PPME1: variants seen among roughly 807,000 people sequenced by gnomAD.
PPME1 encodes protein phosphatase methylesterase 1.
Under a neutral mutation model 56.9 loss-of-function variants are expected in PPME1, and 17 were observed. The ratio of observed to expected loss-of-function variants is 0.30; its 90% confidence interval spans 0.20 to 0.45. The LOEUF (loss-of-function observed/expected upper bound fraction) is 0.45, where lower values mean the gene tolerates loss of function less well. Ranked by LOEUF, PPME1 falls within the 20% of genes least tolerant of loss-of-function variation. The pLI is 1.00. For synonymous variants in PPME1, 122 were observed against 156.2 expected (o/e 0.78, Z 1.63); for missense variants, 357 against 483.2 (o/e 0.74, Z 2.45).
At chr11:74,194,026 G>T (rs186532898) in intron 1 of PPME1, among the ~76,000 whole-genome samples, 113 of 151,988 alleles carry the variant, frequency 7.4e-4, no homozygotes, top group African/African-American at 2.6e-3. Flanking sequence ...TCTCTTGGGG[G>T]TCCTGAGGGC....
intron 3 of PPME1, among the ~76,000 whole-genome samples, chr11:74,212,951 T>G (rs1858518759): frequency 1.3e-5 from 2 of 152,180 alleles, no homozygotes; most frequent in Admixed American, 1.3e-4. Flanking sequence ...GAAGGACTCT[T>G]TCTGATTGAG....
chr11:74,181,205 C>A (rs527856736), intron 1 of PPME1, among the ~76,000 whole-genome samples: 4 of 151,678 alleles, frequency 2.6e-5, no homozygotes, highest in Non-Finnish European at 4.4e-5. Flanking sequence ...CCACCGCGCC[C>A]GGCTAATTTT....
chr11:74,181,327 C>A (rs935244501), intron 1 of PPME1, among the ~76,000 whole-genome samples: 1 of 152,080 alleles, frequency 6.6e-6, no homozygotes, highest in African/African-American at 2.4e-5. Flanking sequence ...GGATTACAGG[C>A]GTGAGCCACC....
At chr11:74,213,160 G>C (rs1273552590) in intron 3 of PPME1, among the ~76,000 whole-genome samples, 1 of 152,198 alleles carries the variant, frequency 6.6e-6, no homozygotes, top group Non-Finnish European at 1.5e-5. Context: ...TGACTGAAGA[G>C]CCCTTAGGCC....
chr11:74,236,114 A>G, intron 8 of PPME1, 148 bp downstream of exon 8: 1 of 1,300,154 alleles, frequency 7.7e-7, no homozygotes, highest in Non-Finnish European at 1.0e-6. Flanking sequence ...TTCAGTTGGG[A>G]CAGACATAGA....
chr11:74,212,917 A>G (rs1858517630), intron 3 of PPME1, among the ~76,000 whole-genome samples: 1 of 152,206 alleles, frequency 6.6e-6, no homozygotes, highest in Admixed American at 6.5e-5. Context: ...GACCCAACAC[A>G]TTCCCAGCTG....
intron 1 of PPME1, among the ~76,000 whole-genome samples, chr11:74,173,738 C>T (rs139620638): frequency 1.3e-5 from 2 of 152,080 alleles, no homozygotes; most frequent in African/African-American, 2.4e-5. Context: ...GAGGGGATTT[C>T]GCCATGTTGG....
rs151301557 is a variant in PPME1 at position 74,251,956 on chromosome 11, C to G, written c.1142+241C>G. 423 of 704,100 alleles carry G rather than the reference C, an allele frequency of 6.0e-4. 2 individuals are homozygous for G. The African/African-American group carries it at 6.6e-3, about 11-fold the overall frequency. 43.6% of individuals were successfully genotyped at this position (704,100 alleles called of 1,614,324 possible). A position where few individuals can be genotyped will look rare whatever the true frequency, so the allele number is the denominator to read the frequency against. On this transcript the variant is annotated intron_variant, in intron 13 of 13. Transcript: ENST00000328257. ...TGTGATTAAATTGTGCCTAGTCTCA[C>G]TCCCCACTGTGATGTGCATTTCTTC... is the stretch of plus-strand genomic sequence containing the variant.
At chr11:74,195,279 A>T (rs150348884) in intron 1 of PPME1, among the ~76,000 whole-genome samples, 4 of 152,312 alleles carry the variant, frequency 2.6e-5, no homozygotes, top group Admixed American at 6.5e-5. Flanking sequence ...CATGATAATC[A>T]GTGCCTGGCT....
At chr11:74,186,328 T>TC (rs1857682317) in intron 1 of PPME1, among the ~76,000 whole-genome samples, 1 of 152,166 alleles carries the variant, frequency 6.6e-6, no homozygotes, top group Non-Finnish European at 1.5e-5. Flanking sequence ...ATCATTACTA[T>TC]CCCTACAGCA....
At chr11:74,172,042 A>T (rs965857449) in intron 1 of PPME1, among the ~76,000 whole-genome samples, 9 of 152,180 alleles carry the variant, frequency 5.9e-5, no homozygotes, top group Non-Finnish European at 1.3e-4. Context: ...TGGAGAAGGA[A>T]AGAGGAGAAC....
intron 9 of PPME1, among the ~76,000 whole-genome samples, chr11:74,241,283 T>C (rs34895949): frequency 0.1 from 15,944 of 152,258 alleles, 2,183 homozygotes; most frequent in African/African-American, 0.32. Context: ...AATAAAATTA[T>C]CAGGGTTCAT....
chr11:74,209,342 A>G (rs970611624), intron 3 of PPME1, among the ~76,000 whole-genome samples: 8 of 152,228 alleles, frequency 5.3e-5, no homozygotes, highest in South Asian at 2.1e-4. Context: ...GCCTCAAGCA[A>G]TCCTCCTGCC....
At chr11:74,206,102 C>G (rs1389906894) in intron 3 of PPME1, among the ~76,000 whole-genome samples, 1 of 152,152 alleles carries the variant, frequency 6.6e-6, no homozygotes, top group African/African-American at 2.4e-5. Flanking sequence ...AGCCACATTT[C>G]AAATCGTAGC....
chr11:74,176,721 CTTTTTTTTTTT>C (rs780832040), intron 1 of PPME1, among the ~76,000 whole-genome samples: 2 of 102,174 alleles, frequency 2.0e-5, no homozygotes, highest in Admixed American at 1.1e-4. Flanking sequence ...GTGTAGTGTC[CTTTTTTTTTTT>C]TTTTTTTTTT....
At position 74,171,540 on chromosome 11, in the gene PPME1, C is replaced by T. The variant is rs756442878; in HGVS notation, c.101+18C>T. The T allele has an allele frequency of 5.0e-6, 8 of 1,602,494 alleles. No individual in the cohort carries two copies. The African/African-American group carries it at 9.4e-5, about 19-fold the overall frequency. On this transcript the variant is annotated intron_variant, in intron 1 of 13. Transcript: ENST00000328257. ...CGAATGGGGTACGTGACCCATACCC[C>T]TTCTCCCTATGGGCCAGGCCCCAGC...
chr11:74,243,120 A>G (rs1043753730), intron 9 of PPME1, among the ~76,000 whole-genome samples: 5 of 152,078 alleles, frequency 3.3e-5, no homozygotes, highest in African/African-American at 1.2e-4. Context: ...GAAGATTGTT[A>G]GCCAACTTTC....
chr11:74,240,805 G>A (rs563880621), intron 9 of PPME1, among the ~76,000 whole-genome samples: 5 of 152,252 alleles, frequency 3.3e-5, no homozygotes, highest in South Asian at 4.1e-4. Flanking sequence ...AATCAAGAAC[G>A]CATTTAGTAG....
At chr11:74,190,201 A>G (rs1857797154) in intron 1 of PPME1, among the ~76,000 whole-genome samples, 1 of 152,170 alleles carries the variant, frequency 6.6e-6, no homozygotes, top group Non-Finnish European at 1.5e-5. Flanking sequence ...TGGTCCCTTG[A>G]TAGGGTTAGA....
Sources: allele counts gnomAD v4.1 joint callset (sites outside exome capture counted in the v4.1 genomes callset), GRCh38; gene constraint gnomAD v4.1.1; transcripts MANE v1.5; gene names NCBI Gene and HGNC (gene_info 2026-07-23, HGNC 2026-07-21).